TRPV5: variants seen among roughly 807,000 people sequenced by gnomAD.
The protein encoded by TRPV5 is transient receptor potential cation channel subfamily V member 5.
Under a neutral mutation model 74.1 loss-of-function variants are expected in TRPV5, and 66 were observed. The observed-to-expected ratio is 0.89, with a 90% confidence interval of 0.73 to 1.09. TRPV5 has a LOEUF of 1.09. TRPV5 is among the 50% of genes least tolerant of loss of function. TRPV5 has a pLI of 0.00. For missense variants in TRPV5, 936 were observed against 930.4 expected (o/e 1.01, Z -0.08); for synonymous variants, 399 against 360.7 (o/e 1.11, Z -1.20).
chr7:142,910,298 T>C (rs1795683081), intron 13 of TRPV5, among the ~76,000 whole-genome samples: 1 of 152,202 alleles, frequency 6.6e-6, no homozygotes, highest in African/African-American at 2.4e-5. Context: ...TATTTACATT[T>C]AGGAAGCTTA....
chr7:142,909,244 G>A (rs1436316472), intron 14 of TRPV5, among the ~76,000 whole-genome samples: 1 of 152,070 alleles, frequency 6.6e-6, no homozygotes, highest in East Asian at 1.9e-4. Context: ...TGGAGATGAA[G>A]GTCAGCTCAG....
At position 142,930,038 on chromosome 7, in the gene TRPV5, T is replaced by C; in HGVS notation, c.349+20A>G. ...TCCATCTCAAAGTTTCCACCTTGAA[T>C]TACCATGTAGGCTCCTTACCTGCAA... On this transcript the variant is annotated intron_variant, in intron 3 of 14. Transcript: ENST00000265310. 6.2e-6 allele frequency: 10 copies of C among 1,613,626 alleles called. No homozygotes were observed. The highest frequency in any genetic ancestry group is 2.7e-5 in the African/African-American group (2 of 74,972).
chr7:142,911,572 T>C (rs746160806), intron 13 of TRPV5, among the ~76,000 whole-genome samples: 1 of 152,212 alleles, frequency 6.6e-6, no homozygotes, highest in Non-Finnish European at 1.5e-5. Flanking sequence ...CCTTACATTC[T>C]CTATAGCACT....
In TRPV5 at chr7:142,909,521, C is replaced by T. The variant is rs781219569; in HGVS notation, c.1864G>A (p.Glu622Lys). 5.6e-6 allele frequency: 9 copies of T among 1,613,958 alleles called. No homozygotes were observed. In the East Asian group the frequency reaches 6.7e-5, roughly 12 times the overall value. The change falls in exon 14 of 15, where the codon GAA (glutamate) becomes AAA (lysine). Residue 622 changes from glutamate to lysine, a missense_variant. By Grantham distance (56) the Glu-to-Lys change is moderately conservative. Coordinates refer to ENST00000265310, the MANE Select transcript of TRPV5 (RefSeq NM_019841.7). Reference sequence around the variant, plus strand: ...AACCAGCGGTCCCCCAGCCCGAATTCGCACCCACAGATCCCGGAGCGAGGC... The same window carrying T: ...AACCAGCGGTCCCCCAGCCCGAATTTGCACCCACAGATCCCGGAGCGAGGC... ...LWPRSGICGC[E>K]FGLGDRWFLR...
At position 142,912,472 on chromosome 7, in the gene TRPV5, A is replaced by G. The variant is rs758389477; in HGVS notation, c.1788+10T>C. 4 of 1,608,290 alleles carry G rather than the reference A, an allele frequency of 2.5e-6. No individual in the cohort carries two copies. The highest frequency in any genetic ancestry group is 1.3e-5 in the African/African-American group (1 of 74,782). On this transcript the variant is annotated intron_variant, in intron 13 of 14. Transcript: ENST00000265310. ...CTGCTTCTTAGCAAGACTAACACAA[A>G]TAAACTCACCTGGGCCCTCCAGAGC...
At position 142,908,674 on chromosome 7, in the gene TRPV5, G is replaced by A. The variant is rs148222818; in HGVS notation, c.2030C>T (p.Ala677Val). The A allele has an allele frequency of 1.8e-3, 2,980 of 1,614,224 alleles. 5 individuals are homozygous for A. The highest frequency in any genetic ancestry group is 3.8e-3 in the Middle Eastern group (23 of 6,062). The change falls in exon 15 of 15, where the codon GCC becomes GTC. Residue 677 changes from alanine to valine, a missense_variant. Ala to Val is a moderately conservative substitution (Grantham distance 64). Transcript: ENST00000265310. ...AGTTGGAAGAGCCAAAGAGGCTCTG[G>A]CTAGAGTCCCACTCTCAGCCCCAGA... The part of the protein sequence containing the change: ...QPSGAESGTL[A>V]RASLALPTSS...
chr7:142,928,063 GC>G (rs1298172657), intron 7 of TRPV5, 24 bp downstream of exon 7: 1 of 1,613,806 alleles, frequency 6.2e-7, no homozygotes, highest in African/African-American at 1.3e-5. Context: ...CACATGACAG[GC>G]CTGATCCTCC....
intron 11 of TRPV5, 81 bp from the exon 12 acceptor site, chr7:142,914,787 GC>G: frequency 6.2e-7 from 1 of 1,606,600 alleles, no homozygotes; most frequent in Non-Finnish European, 8.5e-7. Context: ...AGATCAAGAG[GC>G]CCCCATAGTT....
Position 142,933,503 on chromosome 7 carries a change from A to C in TRPV5, c.-44T>G. Reference sequence around the variant, plus strand: ...CTGGCAGATTATAGAAATGTGGCGAAAGAAACAGGTCTAGGATGACAGCAA... The same window carrying C: ...CTGGCAGATTATAGAAATGTGGCGACAGAAACAGGTCTAGGATGACAGCAA... On this transcript the variant is annotated 5_prime_UTR_variant, in exon 1 of 15. Transcript: ENST00000265310. 6.3e-7 allele frequency: 1 copy of C among 1,598,154 alleles called. No individual in the cohort carries two copies. Among genetic ancestry groups the C allele is most frequent in the Admixed American group, 1.7e-5 (1 of 57,886 alleles).
At chr7:142,931,148 G>A (rs1796088325) in intron 1 of TRPV5, among the ~76,000 whole-genome samples, 1 of 149,090 alleles carries the variant, frequency 6.7e-6, no homozygotes, top group African/African-American at 2.5e-5. Flanking sequence ...TCAGTCTCCC[G>A]AGTAGCTGGG....
At chr7:142,924,343 T>TATATACACATATACATGTATATATATAC in intron 8 of TRPV5, among the ~76,000 whole-genome samples, 1 of 12,204 alleles carries the variant, frequency 8.2e-5, no homozygotes, top group African/African-American at 1.4e-4. Context: ...TATACATATA[T>TATATACACATATACATGTATATATATAC]ATATATATAG....
At chr7:142,912,446 C>T in intron 13 of TRPV5, 36 bp downstream of exon 13, 6 of 1,589,944 alleles carry the variant, frequency 3.8e-6, no homozygotes, top group Non-Finnish European at 5.2e-6. Context: ...CTCTCCAACC[C>T]CTGCTTCTTA....
rs148026742 is a variant in TRPV5, at chr7:142,922,529, A to T, written c.1122+3000T>A. On this transcript the variant is annotated intron_variant, in intron 8 of 14. Transcript: ENST00000265310. The stretch of plus-strand genomic sequence containing the variant: ...TTAAAAATACCAAGGCCAGAGCCTC[A>T]GCTTCAGACATTCCAACTTATTAGG... 4.6e-5 allele frequency among the ~76,000 whole-genome samples: 7 copies of T among 152,338 alleles called. No homozygotes were observed. In the East Asian group the frequency reaches 1.4e-3, roughly 29 times the overall value.
rs773769452 is a variant in TRPV5 at position 142,912,541 on chromosome 7, T to TTGTC, written c.1728_1729insGACA (p.Met577AspfsTer16). On this transcript the variant is annotated frameshift_variant, in exon 13 of 15. Transcript: ENST00000265310. LOFTEE classifies it high-confidence loss of function. ...ACCCTCCAGTGGGTGTCGCCCATCATGGCGATGAACAAGTTGAGCATGAGC... is the reference window on the plus strand; with the variant it reads ...ACCCTCCAGTGGGTGTCGCCCATCATTGTCGGCGATGAACAAGTTGAGCATGAGC... The TTGTC allele has an allele frequency of 6.2e-7, 1 of 1,614,226 alleles. No homozygotes were observed. Among genetic ancestry groups the TTGTC allele is most frequent in the South Asian group, 1.1e-5 (1 of 91,084 alleles).
intron 8 of TRPV5, among the ~76,000 whole-genome samples, chr7:142,923,566 AG>A (rs142291219): frequency 6.6e-6 from 1 of 152,310 alleles, no homozygotes; most frequent in East Asian, 1.9e-4. Flanking sequence ...CACCAAGAAA[AG>A]AATATCTGAA....
intron 8 of TRPV5, 43 bp from the exon 9 acceptor site, chr7:142,915,611 G>GGA (rs764254197): frequency 3.9e-5 from 62 of 1,594,218 alleles, no homozygotes; most frequent in Admixed American, 6.7e-5. Flanking sequence ...GATGGGCAGA[G>GGA]TCAAATCCTT....
intron 8 of TRPV5, among the ~76,000 whole-genome samples, chr7:142,924,189 A>G (rs1400057588): frequency 6.7e-6 from 1 of 149,098 alleles, no homozygotes; most frequent in East Asian, 2.0e-4. Context: ...ACTTGGTGAG[A>G]GGCAGTGTAT....
Position 142,928,725 on chromosome 7 carries a change from G to C in TRPV5, c.728C>G (p.Pro243Arg). 3 of 1,614,144 alleles carry C rather than the reference G, an allele frequency of 1.9e-6. No individual in the cohort carries two copies. The highest frequency in any genetic ancestry group is 2.5e-6 in the Non-Finnish European group (3 of 1,180,008). ...DLVPNHQGLT[P>R]FKLAGVEGNT... ...ACCCTCCACTCCAGCCAGCTTGAAG[G>C]GGGTGAGACCCTGGTGATTGGGCAC... The change falls in exon 6 of 15, where the codon CCC becomes CGC. Residue 243 changes from proline (P) to arginine (R), a missense_variant. Transcript: ENST00000265310.
At chr7:142,928,352 G>A in intron 6 of TRPV5, 118 bp from the exon 7 acceptor site, 4 of 1,065,574 alleles carry the variant, frequency 3.8e-6, no homozygotes, top group Non-Finnish European at 5.7e-6. Context: ...GTGGGAACCA[G>A]CAAACCTCTG....
Sources: allele counts gnomAD v4.1 joint callset (sites outside exome capture counted in the v4.1 genomes callset), GRCh38; gene constraint gnomAD v4.1.1; transcripts MANE v1.5; gene names NCBI Gene and HGNC (gene_info 2026-07-23, HGNC 2026-07-21).